The following ZNF782 variants were observed in gnomAD, a reference collection of about 807,000 sequenced individuals.
ZNF782 encodes zinc finger protein 782.
ZNF782 carries 12 observed loss-of-function variants against 13.0 expected under a neutral mutation model. The ratio of observed to expected loss-of-function variants is 0.92; its 90% CI spans 0.59 to 1.50. ZNF782 has a LOEUF of 1.50. Ranked by LOEUF, ZNF782 falls within the 40% of genes most tolerant of loss-of-function variation. ZNF782 has a pLI of 0.00. For missense variants in ZNF782, 770 were observed against 822.9 expected, an observed-to-expected ratio of 0.94 and a Z score of 0.79; for synonymous variants, 284 against 283.0, an observed-to-expected ratio of 1.00 and a Z score of -0.04.
rs2095198700 is a variant in ZNF782, at chr9:96,844,749, C to A, written c.142+141G>T. 6.2e-6 allele frequency: 7 copies of A among 1,122,446 alleles called. No individual in the cohort carries two copies. The Admixed American group carries it at 1.1e-4, about 17-fold the overall frequency. 69.5% of individuals were successfully genotyped at this position (1,122,446 alleles called of 1,614,324 possible). ...TGAATTTTATTTTCTGTTAAGTATA[C>A]CTCAATAAAAGTGACTAATATAAAA... On this transcript the variant is annotated intron_variant, in intron 4 of 5. Coordinates refer to ENST00000481138, the MANE Select transcript of ZNF782 (RefSeq NM_001001662.3).
chr9:96,903,375 C>CT, the ZNF782 span, among the ~76,000 whole-genome samples: 1 of 151,512 alleles, frequency 6.6e-6, no homozygotes, highest in African/African-American at 2.4e-5. Flanking sequence ...TGCTGGGTCC[C>CT]TTTTTTTGCC....
the ZNF782 span, chr9:96,929,028 G>C: frequency 6.2e-7 from 1 of 1,610,648 alleles, no homozygotes; most frequent in South Asian, 1.1e-5. Context: ...TGAGGGGATG[G>C]CTTCAAATGG....
chr9:96,878,170 T>TC (rs1353594708), upstream of ZNF782, among the ~76,000 whole-genome samples: 1 of 152,162 alleles, frequency 6.6e-6, no homozygotes, highest in Non-Finnish European at 1.5e-5. Context: ...TGCCTTAGCC[T>TC]CCCCAGTGGC....
chr9:96,903,921 G>C, the ZNF782 span, among the ~76,000 whole-genome samples: 1 of 151,888 alleles, frequency 6.6e-6, no homozygotes, highest in Non-Finnish European at 1.5e-5. Flanking sequence ...CATATAGTAA[G>C]TATATGTTTA....
chr9:96,932,569 T>C, the ZNF782 span: 12 of 1,267,896 alleles, frequency 9.5e-6, no homozygotes, highest in Non-Finnish European at 1.3e-5. Flanking sequence ...TCAGCAACAT[T>C]AATCTGGCTG....
chr9:96,830,120 A>G (rs190222742), intron 4 of ZNF782, among the ~76,000 whole-genome samples: 7 of 152,350 alleles, frequency 4.6e-5, no homozygotes, highest in African/African-American at 1.7e-4. Flanking sequence ...TGTGCTCTCA[A>G]GCCAGAGGTT....
intron 1 of ZNF782, among the ~76,000 whole-genome samples, chr9:96,863,646 A>G (rs1851729573): frequency 6.6e-6 from 1 of 152,248 alleles, no homozygotes; most frequent in African/African-American, 2.4e-5. Flanking sequence ...AAAAGAAAAT[A>G]TAGAATATAT....
chr9:96,866,853 C>A (rs1252610096), intron 1 of ZNF782, among the ~76,000 whole-genome samples: 1 of 152,256 alleles, frequency 6.6e-6, no homozygotes, highest in Non-Finnish European at 1.5e-5. Flanking sequence ...TAAGATTTGA[C>A]TGCCCTGCTG....
At chr9:96,907,736 G>A in the ZNF782 span, among the ~76,000 whole-genome samples, 7 of 151,926 alleles carry the variant, frequency 4.6e-5, no homozygotes, top group African/African-American at 1.5e-4. Flanking sequence ...CATCTCCCGG[G>A]TTCAAGCGAT....
rs186391030 is a variant in ZNF782 at position 96,844,383 on chromosome 9, T to C, written c.142+507A>G. On this transcript the variant is annotated intron_variant, in intron 4 of 5. Transcript: ENST00000481138. ...ATAAAGGATAATAAATTGCAGTATA[T>C]ACCCACAAAGCGGCACTACTTAGGA... 2.3e-3 allele frequency among the ~76,000 whole-genome samples: 345 copies of C among 152,290 alleles called. 1 individual carries two copies. Among genetic ancestry groups the C allele is most frequent in the Non-Finnish European group, 3.7e-3 (252 of 68,026 alleles).
the ZNF782 span, among the ~76,000 whole-genome samples, chr9:96,911,232 G>A: frequency 7.0e-6 from 1 of 143,866 alleles, no homozygotes; most frequent in African/African-American, 2.5e-5. Context: ...GAGGTCAGGA[G>A]ATGGAGACCA....
the ZNF782 span, among the ~76,000 whole-genome samples, chr9:96,906,242 A>C: frequency 1.3e-5 from 2 of 151,620 alleles, no homozygotes; most frequent in Non-Finnish European, 2.9e-5. Context: ...AACACAGAGT[A>C]CTTCAGACAC....
rs562107969 is a variant in ZNF782, at chr9:96,825,087, C to T, written c.244+1993G>A. Among the ~76,000 whole-genome samples the T allele has an allele frequency of 5.5e-3, 836 of 151,788 alleles. 6 individuals carry two copies. The highest frequency in any genetic ancestry group is 0.018 in the African/African-American group (765 of 41,408). On this transcript the variant is annotated intron_variant, in intron 5 of 5. Transcript: ENST00000481138. ...GTTCATATGGAACCAAAAAAGAGCCCGCATCGCCAAGTCAATCCTAAGCAA... is the reference window on the plus strand; with the variant it reads ...GTTCATATGGAACCAAAAAAGAGCCTGCATCGCCAAGTCAATCCTAAGCAA...
chr9:96,916,229 C>T, the ZNF782 span, among the ~76,000 whole-genome samples: 20 of 152,006 alleles, frequency 1.3e-4, no homozygotes, highest in African/African-American at 4.6e-4. Flanking sequence ...CAATGGCTCA[C>T]GCCTGTAATC....
the ZNF782 span, among the ~76,000 whole-genome samples, chr9:96,916,075 A>G: frequency 4.0e-4 from 61 of 152,042 alleles, no homozygotes; most frequent in Non-Finnish European, 3.2e-4. Context: ...AATGCCAGGT[A>G]AGTGAGTGAC....
the ZNF782 span, among the ~76,000 whole-genome samples, chr9:96,896,874 A>G: frequency 6.6e-6 from 1 of 152,158 alleles, no homozygotes; most frequent in Non-Finnish European, 1.5e-5. Context: ...ATCAGTGTGG[A>G]CCCTAGAACT....
chr9:96,839,277 C>CTTTTTT (rs201411107), intron 4 of ZNF782, among the ~76,000 whole-genome samples: 49 of 100,244 alleles, frequency 4.9e-4, no homozygotes, highest in East Asian at 3.2e-3. Context: ...TTACTTGGGA[C>CTTTTTT]TTTTTTTTTT....
chr9:96,903,531 TTTTC>T, the ZNF782 span, among the ~76,000 whole-genome samples: 1 of 149,034 alleles, frequency 6.7e-6, no homozygotes, highest in African/African-American at 2.5e-5. Context: ...TGACCATAAC[TTTTC>T]TTTTTTTTAA....
At chr9:96,857,311 T>A (rs1303463499), upstream of ZNF782, among the ~76,000 whole-genome samples, 1 of 152,208 alleles carries the variant, frequency 6.6e-6, no homozygotes, top group Non-Finnish European at 1.5e-5. Flanking sequence ...TGACTAAAAC[T>A]GGGCTGTACA....
Sources: gnomAD v4.1 joint callset for allele counts (sites outside exome capture counted in the v4.1 genomes callset) on GRCh38, gnomAD v4.1.1 for gene constraint, MANE v1.5 for transcripts, NCBI Gene and HGNC (gene_info 2026-07-23, HGNC 2026-07-21) for gene names.